The following FOCAD variants were observed in gnomAD, a reference collection of about 807,000 sequenced individuals.
FOCAD encodes focadhesin, also known as KIAA1797.
A neutral mutation model predicts 225.6 loss-of-function variants in FOCAD; 198 were observed. That is an observed-to-expected ratio of 0.88 (90% CI 0.78 to 0.99). The LOEUF (loss-of-function observed/expected upper bound fraction) is 0.99. FOCAD is among the 50% of genes least tolerant of loss of function. The pLI is 0.00. For missense variants in FOCAD, 2,713 were observed against 2,123.6 expected (o/e 1.28, Z -5.46); for synonymous variants, 897 against 755.0 (o/e 1.19, Z -3.08).
intron 2 of FOCAD, among the ~76,000 whole-genome samples, chr9:20,675,799 C>T (rs1350532116): frequency 6.8e-6 from 1 of 146,418 alleles, no homozygotes; most frequent in African/African-American, 2.6e-5. Context: ...CTGGGAGCAA[C>T]ATCAATAGTC....
intron 35 of FOCAD, among the ~76,000 whole-genome samples, chr9:20,973,710 T>C (rs200197372): frequency 1.1e-4 from 15 of 138,306 alleles, no homozygotes; most frequent in South Asian, 2.4e-4. Context: ...CCTACTTCCC[T>C]CTTCTTTCAG....
At chr9:20,861,947 C>A (rs777703958) in intron 15 of FOCAD, among the ~76,000 whole-genome samples, 1 of 151,956 alleles carries the variant, frequency 6.6e-6, no homozygotes, top group Non-Finnish European at 1.5e-5. Context: ...AAAATTGGGT[C>A]AAGTTAGAAA....
intron 15 of FOCAD, among the ~76,000 whole-genome samples, chr9:20,848,110 T>G (rs745712615): frequency 2.9e-4 from 44 of 152,072 alleles, no homozygotes; most frequent in Non-Finnish European, 3.4e-4. Context: ...TACAAATTTA[T>G]TTGATCATAG....
intron 15 of FOCAD, among the ~76,000 whole-genome samples, chr9:20,849,395 G>GT (rs1472711691): frequency 6.8e-6 from 1 of 148,096 alleles, no homozygotes; most frequent in Admixed American, 6.7e-5. Context: ...TTTTTTTTCT[G>GT]TTTTTTAAAC....
chr9:20,660,119 G>A (rs1430130023), intron 2 of FOCAD, among the ~76,000 whole-genome samples: 1 of 152,246 alleles, frequency 6.6e-6, no homozygotes, highest in East Asian at 1.9e-4. Flanking sequence ...AGGTTCAGTG[G>A]TAGCTAAATA....
At chr9:20,944,368 TC>T (rs1836966403) in intron 28 of FOCAD, among the ~76,000 whole-genome samples, 1 of 152,174 alleles carries the variant, frequency 6.6e-6, no homozygotes, top group Non-Finnish European at 1.5e-5. Flanking sequence ...TCAAACTATT[TC>T]CTGCCTTTTG....
chr9:20,919,659 A>G (rs1025976845), intron 24 of FOCAD, among the ~76,000 whole-genome samples: 1 of 152,232 alleles, frequency 6.6e-6, no homozygotes, highest in Non-Finnish European at 1.5e-5. Context: ...ATAACACCGC[A>G]TATCTACAAC....
At chr9:20,696,138 C>G (rs908602118) in intron 1 of FOCAD, among the ~76,000 whole-genome samples, 16 of 152,216 alleles carry the variant, frequency 1.1e-4, no homozygotes, top group African/African-American at 3.9e-4. Context: ...TGGAGTCATC[C>G]TTCACTCTTC....
intron 15 of FOCAD, among the ~76,000 whole-genome samples, chr9:20,839,688 T>G (rs916899513): frequency 6.6e-6 from 1 of 152,038 alleles, no homozygotes; most frequent in Non-Finnish European, 1.5e-5. Context: ...CATAAGTGTA[T>G]ATAGTTAAGG....
At chr9:20,674,845 A>T (rs1240601947) in intron 2 of FOCAD, among the ~76,000 whole-genome samples, 1 of 152,220 alleles carries the variant, frequency 6.6e-6, no homozygotes, top group Non-Finnish European at 1.5e-5. Flanking sequence ...ACTGAAATTT[A>T]AGAAGCCTGA....
chr9:20,730,082 C>T (rs975885155), intron 4 of FOCAD, among the ~76,000 whole-genome samples: 4 of 152,120 alleles, frequency 2.6e-5, no homozygotes, highest in Non-Finnish European at 4.4e-5. Context: ...TAGAGCTTTA[C>T]CTAAAATTCC....
Position 20,879,691 on chromosome 9 carries a change from C to T in FOCAD, c.2318-2180C>T, listed in dbSNP as rs539347242. Among the ~76,000 whole-genome samples, 11 of 152,256 alleles carry T rather than the reference C, an allele frequency of 7.2e-5. No homozygotes were observed. In the East Asian group the frequency reaches 2.1e-3, roughly 29 times the overall value. The stretch of plus-strand genomic sequence containing the variant: ...TTGGTAAGAAAGAGATTGGGGAAAG[C>T]TCAAAAGCAACGAGAAAAATTCTAG... On this transcript the variant is annotated intron_variant, in intron 19 of 43. Coordinates refer to ENST00000338382, the MANE Select transcript of FOCAD (RefSeq NM_001375567.1).
At chr9:20,929,617 C>T in intron 27 of FOCAD, 21 bp downstream of exon 27, 6 of 1,599,594 alleles carry the variant, frequency 3.8e-6, no homozygotes, top group Non-Finnish European at 5.1e-6. Flanking sequence ...TTAAAATATT[C>T]CTGCTTTTCT....
intron 5 of FOCAD, among the ~76,000 whole-genome samples, chr9:20,752,777 C>G (rs1048622426): frequency 6.6e-6 from 1 of 152,122 alleles, no homozygotes; most frequent in Non-Finnish European, 1.5e-5. Flanking sequence ...GATATTGATT[C>G]TTCCTACCCA....
chr9:20,845,758 G>T (rs955356557), intron 15 of FOCAD, among the ~76,000 whole-genome samples: 2 of 151,906 alleles, frequency 1.3e-5, no homozygotes, highest in Non-Finnish European at 2.9e-5. Context: ...TTCTGCATAG[G>T]ATATAAGTTT....
chr9:20,836,767 A>AT (rs1283395884), intron 15 of FOCAD, among the ~76,000 whole-genome samples: 2 of 151,824 alleles, frequency 1.3e-5, no homozygotes, highest in Non-Finnish European at 2.9e-5. Context: ...TGACTGTGTT[A>AT]TTTTTTTTAA....
intron 5 of FOCAD, among the ~76,000 whole-genome samples, chr9:20,751,206 A>G (rs560866662): frequency 6.6e-6 from 1 of 150,802 alleles, no homozygotes; most frequent in African/African-American, 2.4e-5. Flanking sequence ...CATATGCACA[A>G]TGTGCAGGTT....
chr9:20,674,264 T>A (rs1587193462), intron 2 of FOCAD, among the ~76,000 whole-genome samples: 1 of 152,200 alleles, frequency 6.6e-6, no homozygotes, highest in East Asian at 1.9e-4. Flanking sequence ...TTTATGCTAT[T>A]GAGGTTATTT....
intron 20 of FOCAD, among the ~76,000 whole-genome samples, chr9:20,884,512 G>T (rs1462656045): frequency 6.6e-6 from 1 of 151,968 alleles, no homozygotes; most frequent in Admixed American, 6.6e-5. Flanking sequence ...GACCTGGCTG[G>T]TCTCAAACTC....
Sources: gnomAD v4.1 joint callset for allele counts (sites outside exome capture counted in the v4.1 genomes callset) on GRCh38, gnomAD v4.1.1 for gene constraint, MANE v1.5 for transcripts, NCBI Gene and HGNC (gene_info 2026-07-23, HGNC 2026-07-21) for gene names.